The following FARS2 variants were observed in gnomAD, a reference collection of about 807,000 sequenced individuals.
FARS2 encodes the protein phenylalanyl-tRNA synthetase 2, mitochondrial.
Under a neutral mutation model 46.4 loss-of-function variants are expected in FARS2, and 40 were observed. The observed-to-expected ratio is 0.86, with a 90% CI of 0.67 to 1.12. The LOEUF (loss-of-function observed/expected upper bound fraction) is 1.12. FARS2 is among the 50% of genes most tolerant of loss of function. FARS2 has a pLI of 0.00. For synonymous variants in FARS2, 234 were observed against 214.9 expected (o/e 1.09, Z -0.78); for missense variants, 513 against 567.9 (o/e 0.90, Z 0.98).
At chr6:5,397,601 C>T (rs572928226) in intron 2 of FARS2, among the ~76,000 whole-genome samples, 3 of 151,954 alleles carry the variant, frequency 2.0e-5, no homozygotes, top group South Asian at 2.1e-4. Context: ...GAACCTAAAA[C>T]GATGCTTAAA....
intron 6 of FARS2, among the ~76,000 whole-genome samples, chr6:5,713,536 C>T (rs1401614876): frequency 1.3e-5 from 2 of 152,198 alleles, no homozygotes; most frequent in East Asian, 1.9e-4. Context: ...ATTAACACCA[C>T]CTTTATTTTT....
rs189056944 is a variant in FARS2, at chr6:5,304,818, T to C, written c.-22+43158T>C. ...CTTGATATGGATTAAAGCAAGGGTA[T>C]AGGTGTTTCCTCTTTCCCTAGAATT... On this transcript the variant is annotated intron_variant, in intron 1 of 6. Transcript: ENST00000274680. Among the ~76,000 whole-genome samples, 4 of 152,298 alleles carry C rather than the reference T, an allele frequency of 2.6e-5. No individual in the cohort carries two copies. In the East Asian group the frequency reaches 7.7e-4, roughly 29 times the overall value.
At chr6:5,597,798 A>G (rs1043031321) in intron 5 of FARS2, among the ~76,000 whole-genome samples, 4 of 152,244 alleles carry the variant, frequency 2.6e-5, no homozygotes, top group African/African-American at 4.8e-5. Flanking sequence ...TTAAAAACAT[A>G]CAAATGCATA....
chr6:5,644,326 T>C (rs1467783341), intron 6 of FARS2, among the ~76,000 whole-genome samples: 2 of 152,004 alleles, frequency 1.3e-5, no homozygotes, highest in Admixed American at 1.3e-4. Context: ...CATCCTCCCA[T>C]GTCAGCCTCC....
intron 6 of FARS2, among the ~76,000 whole-genome samples, chr6:5,697,124 G>A (rs1758155344): frequency 6.6e-6 from 1 of 151,348 alleles, no homozygotes; most frequent in South Asian, 2.1e-4. Context: ...CACATTGATT[G>A]TCAAAATTTG....
intron 1 of FARS2, among the ~76,000 whole-genome samples, chr6:5,293,507 A>C (rs998350733): frequency 6.6e-6 from 1 of 152,202 alleles, no homozygotes; most frequent in South Asian, 2.1e-4. Flanking sequence ...TTAAAACCAC[A>C]ACACTGGGCC....
intron 6 of FARS2, among the ~76,000 whole-genome samples, chr6:5,715,372 T>C (rs1759432922): frequency 6.6e-6 from 1 of 152,198 alleles, no homozygotes; most frequent in South Asian, 2.1e-4. Flanking sequence ...GTCACAGAGT[T>C]GTGCGTTCGT....
intron 6 of FARS2, among the ~76,000 whole-genome samples, chr6:5,676,473 G>A (rs1349097554): frequency 6.6e-6 from 1 of 152,120 alleles, no homozygotes; most frequent in Non-Finnish European, 1.5e-5. Context: ...TCCGAGTCTG[G>A]GATCTGCTTT....
At chr6:5,532,643 C>T (rs1236871236) in intron 4 of FARS2, among the ~76,000 whole-genome samples, 1 of 152,030 alleles carries the variant, frequency 6.6e-6, no homozygotes, top group Non-Finnish European at 1.5e-5. Context: ...CCCAGCTACT[C>T]GGGAGGCTGA....
At chr6:5,316,091 GT>G (rs941258727) in intron 1 of FARS2, among the ~76,000 whole-genome samples, 1 of 152,216 alleles carries the variant, frequency 6.6e-6, no homozygotes, top group Non-Finnish European at 1.5e-5. Context: ...CTGACATCTG[GT>G]TTTAGAAGTT....
At chr6:5,557,009 T>TA (rs1771701581) in intron 5 of FARS2, among the ~76,000 whole-genome samples, 4 of 152,094 alleles carry the variant, frequency 2.6e-5, no homozygotes, top group African/African-American at 9.7e-5. Context: ...AACTGTACAT[T>TA]TAATAGTTGG....
chr6:5,673,624 A>C (rs1005423696), intron 6 of FARS2, among the ~76,000 whole-genome samples: 3 of 152,186 alleles, frequency 2.0e-5, no homozygotes, highest in African/African-American at 7.2e-5. Flanking sequence ...GGACAGATAC[A>C]AGAAACATGG....
chr6:5,379,495 C>G (rs1759612336), intron 2 of FARS2, among the ~76,000 whole-genome samples: 1 of 152,154 alleles, frequency 6.6e-6, no homozygotes, highest in African/African-American at 2.4e-5. Context: ...TAAGGAGGAG[C>G]TGCTACCCTT....
rs1767707101 is a variant in FARS2, at chr6:5,500,182, C to T, written c.905-44998C>T. Among the ~76,000 whole-genome samples the T allele has an allele frequency of 2.0e-5, 3 of 152,272 alleles. No individual in the cohort carries two copies. The South Asian group carries it at 6.2e-4, about 32-fold the overall frequency. Reference sequence around the variant, plus strand: ...TCTATTATTTCATTGTGCTGCCTCCCTCTCGCCCTCCCTCCCTCTCTCCCT... The same window carrying T: ...TCTATTATTTCATTGTGCTGCCTCCTTCTCGCCCTCCCTCCCTCTCTCCCT... On this transcript the variant is annotated intron_variant, in intron 4 of 6. Coordinates refer to ENST00000274680, the MANE Select transcript of FARS2 (RefSeq NM_006567.5).
Position 5,296,984 on chromosome 6 carries a change from T to C in FARS2, c.-22+35324T>C, listed in dbSNP as rs368225300. ...CATATGATAATTCTATGTTTAATTT[T>C]TCAGGAACCTCCATACTGTTTTCCA... On this transcript the variant is annotated intron_variant, in intron 1 of 6. Transcript: ENST00000274680. Among the ~76,000 whole-genome samples, 9 of 152,334 alleles carry C rather than the reference T, an allele frequency of 5.9e-5. No homozygotes were observed. The South Asian group carries it at 1.4e-3, about 25-fold the overall frequency.
chr6:5,717,276 G>A (rs9502332), intron 6 of FARS2, among the ~76,000 whole-genome samples: 2 of 151,970 alleles, frequency 1.3e-5, no homozygotes, highest in Non-Finnish European at 2.9e-5. Flanking sequence ...GTGCCCCAAT[G>A]TTGTAACAAA....
intron 4 of FARS2, among the ~76,000 whole-genome samples, chr6:5,435,842 T>C (rs1763489434): frequency 6.6e-6 from 1 of 152,240 alleles, no homozygotes; most frequent in South Asian, 2.1e-4. Context: ...GTTGAAAATA[T>C]CTTTTTAAAA....
intron 4 of FARS2, among the ~76,000 whole-genome samples, chr6:5,493,892 T>G (rs1179072786): frequency 6.6e-6 from 1 of 152,216 alleles, no homozygotes; most frequent in Non-Finnish European, 1.5e-5. Flanking sequence ...TTGCTTTTAT[T>G]TTGTCTCTTG....
intron 6 of FARS2, among the ~76,000 whole-genome samples, chr6:5,628,494 A>T (rs1776141930): frequency 6.6e-6 from 1 of 152,234 alleles, no homozygotes; most frequent in African/African-American, 2.4e-5. Flanking sequence ...ACGTTGGCAG[A>T]GTGGGACTCC....
Sources: gnomAD v4.1 joint callset for allele counts (sites outside exome capture counted in the v4.1 genomes callset) on GRCh38, gnomAD v4.1.1 for gene constraint, MANE v1.5 for transcripts, NCBI Gene and HGNC (gene_info 2026-07-23, HGNC 2026-07-21) for gene names.